PKD1: variants seen among roughly 807,000 people sequenced by gnomAD.
The protein encoded by PKD1 is polycystin 1, transient receptor potential channel interacting, also known as polycystin-1.
PKD1 carries 81 observed loss-of-function variants against 361.7 expected under a neutral mutation model. The observed-to-expected ratio is 0.22, with a 90% CI of 0.19 to 0.27. The LOEUF (loss-of-function observed/expected upper bound fraction) is 0.27. PKD1 is among the 10% of genes least tolerant of loss of function. The pLI is 1.00. For synonymous variants in PKD1, 3,615 were observed against 2,818.3 expected (o/e 1.28, Z -8.95); for missense variants, 6,399 against 6,118.3 (o/e 1.05, Z -1.53).
intron 1 of PKD1, among the ~76,000 whole-genome samples, chr16:2,120,514 C>A (rs2092704034): frequency 6.6e-6 from 1 of 152,076 alleles, no homozygotes; most frequent in South Asian, 2.1e-4. Flanking sequence ...CCAGGATGGA[C>A]AGCATAGCAA....
At chr16:2,129,161 TG>T (rs1255252792) in intron 1 of PKD1, among the ~76,000 whole-genome samples, 1 of 146,666 alleles carries the variant, frequency 6.8e-6, no homozygotes, top group Non-Finnish European at 1.5e-5. Flanking sequence ...GCGCCCACCC[TG>T]TTTTTTTTTT....
chr16:2,128,528 C>A (rs1215093811), intron 1 of PKD1, among the ~76,000 whole-genome samples: 1 of 152,128 alleles, frequency 6.6e-6, no homozygotes, highest in African/African-American at 2.4e-5. Context: ...TGCCCCAGAG[C>A]ATGCTGATGA....
chr16:2,089,820 G>C lies in PKD1; in HGVS notation c.12819C>G (p.Arg4273=), dbSNP rs2091381361. ...SPGLRPALPS[R]LARASRGVDL... ...CCACACCCCGACTGGCCCGGGCAAG[G>C]CGGCTGGGCAGTGCTGGCCGCAGGC... The change falls in exon 46 of 46, where the codon CGC becomes CGG. Residue 4273 remains arginine, a synonymous_variant. Transcript: ENST00000262304. 6.2e-7 allele frequency: 1 copy of C among 1,602,422 alleles called. No individual in the cohort carries two copies. The highest frequency in any genetic ancestry group is 8.5e-7 in the Non-Finnish European group (1 of 1,175,176).
At chr16:2,112,273 G>A (rs1213688230) in intron 14 of PKD1, 67 bp downstream of exon 14, 2 of 1,397,430 alleles carry the variant, frequency 1.4e-6, no homozygotes, top group South Asian at 2.4e-5. Flanking sequence ...AGCTTGACTG[G>A]GGAGCTGGGG....
In PKD1 at chr16:2,100,426, A is replaced by C. The variant is rs758138157; in HGVS notation, c.9538T>G (p.Trp3180Gly). 3.1e-6 allele frequency: 5 copies of C among 1,611,230 alleles called. No homozygotes were observed. The South Asian group carries it at 5.5e-5, about 18-fold the overall frequency. The change falls in exon 27 of 46, where the codon TGG (tryptophan) becomes GGG (glycine). Residue 3180 changes from tryptophan to glycine, a missense_variant. Coordinates refer to ENST00000262304, the MANE Select transcript of PKD1 (RefSeq NM_001009944.3). This position sits in a 1 kb window ranked among gnomAD's most constrained non-coding sequence, Gnocchi z 4.4. ...TTGTCGTGCCACACTCGGATCTTCC[A>C]CACGCTACCCAGGCTGTGCGGGGTG... ...IATPHSLGSV[W>G]KIRVWHDNKG...
rs760842136 is a variant in PKD1, at chr16:2,109,423, G to A, written c.5744C>T (p.Ser1915Leu). 2 of 1,603,244 alleles carry A rather than the reference G, an allele frequency of 1.2e-6. No homozygotes were observed. Among genetic ancestry groups the A allele is most frequent in the Non-Finnish European group, 8.5e-7 (1 of 1,179,232 alleles). ...GACCTGCAGGCGGAAGGTGACAGCTGAGCCGGCAGCCAGCAGGATCTGAAA... is the reference window on the plus strand; with the variant it reads ...GACCTGCAGGCGGAAGGTGACAGCTAAGCCGGCAGCCAGCAGGATCTGAAA... The part of the protein sequence containing the change: ...VHFQILLAAG[S>L]AVTFRLQVGG... The change falls in exon 15 of 46, where the codon TCA becomes TTA. Residue 1915 changes from serine (S) to leucine (L), a missense_variant. Coordinates refer to ENST00000262304, the MANE Select transcript of PKD1 (RefSeq NM_001009944.3).
In PKD1 at chr16:2,102,471, C is replaced by T. The variant is rs57870377; in HGVS notation, c.9111G>A (p.Ser3037=). ...TEGLLPLEET[S]PRQAVCLTRH... is the part of the protein sequence containing the mutation. ...GGGTGAGGCAGACGGCCTGGCGGGG[C>T]GAGGTCTCCTCCAGGGGCAGCAGCC... is the stretch of plus-strand genomic sequence containing the variant. The change falls in exon 25 of 46, where the codon TCG becomes TCA. Residue 3037 remains serine, a synonymous_variant. Coordinates refer to ENST00000262304, the MANE Select transcript of PKD1 (RefSeq NM_001009944.3). The T allele has an allele frequency of 5.7e-4, 881 of 1,557,720 alleles. 6 individuals carry two copies. The African/African-American group carries it at 0.01, about 18-fold the overall frequency.
Position 2,103,768 on chromosome 16 carries a change from G to T in PKD1, c.8289C>A (p.Leu2763=). The T allele has an allele frequency of 1.2e-6, 2 of 1,609,834 alleles. No homozygotes were observed. The highest frequency in any genetic ancestry group is 1.7e-6 in the Non-Finnish European group (2 of 1,179,592). ...CCTCGTTGAGCACGCGGGAGCGCAT[G>T]AGGATGCGCATGAGGGCAGAGGTCA... is the stretch of plus-strand genomic sequence containing the variant. ...YNLTSALMRI[L]MRSRVLNEEP... Residue 2763 remains leucine, a synonymous_variant, in exon 23 of 46, where the codon CTC becomes CTA. Coordinates refer to ENST00000262304, the MANE Select transcript of PKD1 (RefSeq NM_001009944.3).
chr16:2,090,379 A>G lies in PKD1; in HGVS notation c.12350T>C (p.Leu4117Pro), dbSNP rs777637350. The change falls in exon 45 of 46, where the codon CTG (leucine) becomes CCG (proline). Residue 4117 changes from leucine (L) to proline (P), a missense_variant. By Grantham distance (98) the Leu-to-Pro change is moderately conservative (BLOSUM62 -3). Transcript: ENST00000262304. ...RWRYHALRGE[L>P]YRPAWEPQDY... Reference sequence around the variant, plus strand: ...CTGGGGCTCCCAGGCCGGCCGGTACAGCTCTCCACGCAAGGCGTGGTAGCG... The same window carrying G: ...CTGGGGCTCCCAGGCCGGCCGGTACGGCTCTCCACGCAAGGCGTGGTAGCG... The G allele has an allele frequency of 6.2e-7, 1 of 1,612,644 alleles. No homozygotes were observed. Among genetic ancestry groups the G allele is most frequent in the South Asian group, 1.1e-5 (1 of 91,080 alleles).
chr16:2,126,852 G>C (rs2092805980), intron 1 of PKD1, among the ~76,000 whole-genome samples: 1 of 152,188 alleles, frequency 6.6e-6, no homozygotes, highest in African/African-American at 2.4e-5. Flanking sequence ...GGGGGAGCGA[G>C]GGCAGTGGCA....
chr16:2,089,945 C>T lies in PKD1; in HGVS notation c.12694G>A (p.Ala4232Thr). Reference sequence around the variant, plus strand: ...TCCAGCTGGTAGACGTCCTCTGTGGCCTGGTTGAGTCGGTCAAACTGGGTG... The same window carrying T: ...TCCAGCTGGTAGACGTCCTCTGTGGTCTGGTTGAGTCGGTCAAACTGGGTG... ...LLTQFDRLNQATEDVYQLEQQ... is the reference protein window; with the variant it reads ...LLTQFDRLNQTTEDVYQLEQQ... Residue 4232 changes from alanine (A) to threonine (T), a missense_variant, in exon 46 of 46, where the codon GCC (alanine) becomes ACC (threonine). Physicochemically the swap from Ala to Thr is moderately conservative, Grantham distance 58 (BLOSUM62 0). Coordinates refer to ENST00000262304, the MANE Select transcript of PKD1 (RefSeq NM_001009944.3). 1 of 1,612,300 alleles carries T rather than the reference C, an allele frequency of 6.2e-7. No individual in the cohort carries two copies. Among genetic ancestry groups the T allele is most frequent in the Non-Finnish European group, 8.5e-7 (1 of 1,179,790 alleles).
intron 9 of PKD1, 55 bp from the exon 10 acceptor site, chr16:2,115,680 G>A (rs2092620723): frequency 5.8e-6 from 9 of 1,538,538 alleles, no homozygotes; most frequent in Non-Finnish European, 8.0e-6. Context: ...CACCGTCAGA[G>A]ATGCCCAACT....
rs1282596340 is a variant in PKD1 at position 2,117,925 on chromosome 16, G to A, written c.1067C>T (p.Pro356Leu). The change falls in exon 5 of 46, where the codon CCT becomes CTT. Residue 356 changes from proline to leucine, a missense_variant. Pro to Leu is a moderately conservative substitution (Grantham distance 98). Coordinates refer to ENST00000262304, the MANE Select transcript of PKD1 (RefSeq NM_001009944.3). ...LGTDVQVEAAPAALELVCPSS... is the reference protein window; with the variant it reads ...LGTDVQVEAALAALELVCPSS... Reference sequence around the variant, plus strand: ...CGGGCACACGAGCTCCAGGGCGGCAGGTGCCGCTTCCACCTGCACGTCTGT... The same window carrying A: ...CGGGCACACGAGCTCCAGGGCGGCAAGTGCCGCTTCCACCTGCACGTCTGT... 8 of 1,328,248 alleles carry A rather than the reference G, an allele frequency of 6.0e-6. No homozygotes were observed. Among genetic ancestry groups the A allele is most frequent in the Non-Finnish European group, 7.3e-6 (7 of 956,862 alleles). The allele number at this position is 1,328,248 out of a possible 1,614,324, so 82.3% of individuals were successfully genotyped here. A position where few individuals can be genotyped will look rare whatever the true frequency, so the allele number is the denominator to read the frequency against.
At chr16:2,119,060 G>A in intron 3 of PKD1, 54 bp downstream of exon 3, 1 of 1,025,258 alleles carries the variant, frequency 9.8e-7, no homozygotes, top group Non-Finnish European at 1.5e-6. Flanking sequence ...GGGCAGAAGG[G>A]ATATTGGGGG....
Position 2,114,511 on chromosome 16 carries a change from C to G in PKD1, c.2512G>C (p.Val838Leu). 2 of 1,595,554 alleles carry G rather than the reference C, an allele frequency of 1.3e-6. No homozygotes were observed. The highest frequency in any genetic ancestry group is 1.7e-6 in the Non-Finnish European group (2 of 1,179,244). The part of the protein sequence containing the change: ...YPAPRDGRLY[V>L]PTNGSALVLQ... ...ACCAAGGCTGAGCCGTTGGTGGGCA[C>G]GTAGAGGCGGCCGTCGCGGGGGGCA... The change falls in exon 11 of 46, where the codon GTG (valine) becomes CTG (leucine). Residue 838 changes from valine (V) to leucine (L), a missense_variant. Val to Leu is a conservative substitution (Grantham distance 32). Transcript: ENST00000262304.
chr16:2,113,231 T>C lies in PKD1; in HGVS notation c.2915A>G (p.Lys972Arg), dbSNP rs1490363940. The C allele has an allele frequency of 2.1e-6, 3 of 1,434,248 alleles. No homozygotes were observed. The highest frequency in any genetic ancestry group is 1.1e-5 in the South Asian group (1 of 87,750). The allele number at this position is 1,434,248 out of a possible 1,614,324, so 88.8% of individuals were successfully genotyped here. The stretch of plus-strand genomic sequence containing the variant: ...CACGTTCTGGAAGGTCAGGGACTGC[T>C]TGTCGTTGATGGTCCACCGGAAGAC... Reference protein sequence around the residue: ...DMVFRWTINDKQSLTFQNVVF... With the variant: ...DMVFRWTINDRQSLTFQNVVF... Residue 972 changes from lysine to arginine, a missense_variant, in exon 12 of 46, where the codon AAG becomes AGG. By Grantham distance (26) the Lys-to-Arg change is conservative. Coordinates refer to ENST00000262304, the MANE Select transcript of PKD1 (RefSeq NM_001009944.3).
At position 2,111,435 on chromosome 16, in the gene PKD1, G is replaced by A. The variant is rs1304736565; in HGVS notation, c.3732C>T (p.Thr1244=). Reference sequence around the variant, plus strand: ...GCACGGTGCCGTCCCCCATGTCGAAGGTCCACGTGATGTTGTCGCCCGTCT... The same window carrying A: ...GCACGGTGCCGTCCCCCATGTCGAAAGTCCACGTGATGTTGTCGCCCGTCT... ...AVQTGDNITW[T]FDMGDGTVLS... Residue 1244 remains threonine (T), a synonymous_variant, in exon 15 of 46, where the codon ACC becomes ACT. Transcript: ENST00000262304. 1 of 1,611,806 alleles carries A rather than the reference G, an allele frequency of 6.2e-7. No individual in the cohort carries two copies. The highest frequency in any genetic ancestry group is 1.3e-5 in the African/African-American group (1 of 74,904).
rs768264052 is a variant in PKD1, at chr16:2,091,197, G to A, written c.11713-23C>T. The A allele has an allele frequency of 3.0e-5, 39 of 1,311,308 alleles. No homozygotes were observed. In the African/African-American group the frequency reaches 3.5e-4, roughly 12 times the overall value. The allele number at this position is 1,311,308 out of a possible 1,614,324, so 81.2% of individuals were successfully genotyped here. On this transcript the variant is annotated intron_variant, in intron 42 of 45. Coordinates refer to ENST00000262304, the MANE Select transcript of PKD1 (RefSeq NM_001009944.3). ...CACCTGTGGGGGGCGCGGTCAGGAG[G>A]GCGGGAGGGACGCTGCCGGGGCGGG... is the stretch of plus-strand genomic sequence containing the variant.
chr16:2,105,673 G>A, intron 20 of PKD1, 192 bp downstream of exon 20: 3 of 1,389,868 alleles, frequency 2.2e-6, no homozygotes, highest in South Asian at 1.3e-5. Flanking sequence ...CTGCATTGTG[G>A]AAAGCAGACG....
Sources: gnomAD v4.1 joint callset for allele counts (sites outside exome capture counted in the v4.1 genomes callset) on GRCh38, gnomAD v4.1.1 for gene constraint, Gnocchi (gnomAD v3.1) non-coding constraint, MANE v1.5 for transcripts, NCBI Gene and HGNC (gene_info 2026-07-23, HGNC 2026-07-21) for gene names.